The following OGDHL variants were observed in gnomAD, a reference collection of about 807,000 sequenced individuals.
OGDHL encodes 2-oxoglutarate dehydrogenase-like, mitochondrial.
Under a neutral mutation model 109.6 loss-of-function variants are expected in OGDHL, and 79 were observed. The observed-to-expected ratio is 0.72, with a 90% CI of 0.60 to 0.87. The LOEUF (loss-of-function observed/expected upper bound fraction) is 0.87. OGDHL is among the 40% of genes least tolerant of loss of function. The probability of loss-of-function intolerance (pLI) is 0.00; values close to 1 mark genes in which losing one functional copy is unlikely to be tolerated. For synonymous variants in OGDHL, 528 were observed against 537.2 expected (o/e 0.98, Z 0.24); for missense variants, 1,275 against 1,362.2 (o/e 0.94, Z 1.01).
Position 49,742,864 on chromosome 10 carries a change from C to G in OGDHL, c.1976G>C (p.Arg659Pro). 1 of 1,613,870 alleles carries G rather than the reference C, an allele frequency of 6.2e-7. No homozygotes were observed. The highest frequency in any genetic ancestry group is 1.1e-5 in the South Asian group (1 of 91,066). The change falls in exon 15 of 23, where the codon CGG becomes CCG. Residue 659 changes from arginine to proline, a missense_variant. Coordinates refer to ENST00000374103, the MANE Select transcript of OGDHL (RefSeq NM_018245.3). ...GSLLKEGIHV[R>P]LSGQDVERGT... The stretch of plus-strand genomic sequence containing the variant: ...CCTCTCCACATCCTGCCCGCTGAGC[C>G]GCACGTGGATGCCTTCCTTCAGCAG...
rs968083034 is a variant in OGDHL at position 49,747,314 on chromosome 10, T to C, written c.988-106A>G. The C allele has an allele frequency of 4.1e-5, 51 of 1,241,460 alleles. No individual in the cohort carries two copies. The Admixed American group carries it at 9.4e-4, about 23-fold the overall frequency. The allele number at this position is 1,241,460 out of a possible 1,614,324, so 76.9% of individuals were successfully genotyped here. On this transcript the variant is annotated intron_variant, in intron 8 of 22. Coordinates refer to ENST00000374103, the MANE Select transcript of OGDHL (RefSeq NM_018245.3). ...CAGTCAGGCTGGCACATTCCCCCGA[T>C]CCCACTGCCTCAGAGGGCCAAGCTG... is the stretch of plus-strand genomic sequence containing the variant.
At chr10:49,750,788 T>C (rs1408355169) in intron 7 of OGDHL, 51 bp downstream of exon 7, 1 of 1,543,048 alleles carries the variant, frequency 6.5e-7, no homozygotes, top group South Asian at 1.2e-5. Flanking sequence ...CCCACCTCTG[T>C]CCCCTGGGCT....
At chr10:49,739,044 G>A (rs1459125440) in intron 17 of OGDHL, 2 of 152,550 alleles carry the variant, frequency 1.3e-5, no homozygotes, top group African/African-American at 4.8e-5. Context: ...CTCATAACAT[G>A]CCACTCAGGG....
intron 17 of OGDHL, chr10:49,738,878 G>A (rs113844189): frequency 0.02 from 3,076 of 153,356 alleles, 105 homozygotes; most frequent in African/African-American, 0.066. Flanking sequence ...TCTTGGTGGG[G>A]ACGGCCAAGG....
chr10:49,761,055 A>G (rs1033463800), intron 1 of OGDHL, among the ~76,000 whole-genome samples: 2 of 151,026 alleles, frequency 1.3e-5, no homozygotes, highest in East Asian at 1.9e-4. Flanking sequence ...CCTGCCACCC[A>G]CCCCCACCTG....
intron 3 of OGDHL, among the ~76,000 whole-genome samples, chr10:49,755,329 G>A (rs1407038421): frequency 6.6e-6 from 1 of 152,218 alleles, no homozygotes; most frequent in African/African-American, 2.4e-5. Context: ...GTTTAGATGC[G>A]ATAATGGTAT....
At chr10:49,748,964 T>A (rs919136934) in intron 8 of OGDHL, among the ~76,000 whole-genome samples, 7 of 152,002 alleles carry the variant, frequency 4.6e-5, no homozygotes, top group African/African-American at 1.7e-4. Context: ...ATCCCAGCAC[T>A]TTGGGAGGCC....
Position 49,745,878 on chromosome 10 carries a change from C to A in OGDHL, c.1396G>T (p.Asp466Tyr). ...NAPIFHVNAD[D>Y]PEAVIYVCSV... is the part of the protein sequence containing the mutation. ...CACACATATATCACAGCCTCTGGGT[C>A]ATCGGCATTCACATGGAAGATAGGC... Residue 466 changes from aspartate (D) to tyrosine (Y), a missense_variant, in exon 11 of 23, where the codon GAC becomes TAC. Transcript: ENST00000374103. 1 of 1,614,234 alleles carries A rather than the reference C, an allele frequency of 6.2e-7. No individual in the cohort carries two copies. Among genetic ancestry groups the A allele is most frequent in the Non-Finnish European group, 8.5e-7 (1 of 1,180,044 alleles).
intron 21 of OGDHL, 88 bp downstream of exon 21, chr10:49,736,269 C>A (rs1196315594): frequency 6.3e-7 from 1 of 1,585,030 alleles, no homozygotes; most frequent in Non-Finnish European, 8.6e-7. Flanking sequence ...CACCGGCCTT[C>A]ATCTGGCCTG....
chr10:49,735,455 C>T, intron 22 of OGDHL, 104 bp from the exon 23 acceptor site: 1 of 1,394,650 alleles, frequency 7.2e-7, no homozygotes, highest in Non-Finnish European at 9.7e-7. Flanking sequence ...GAACCGCTGA[C>T]CTCGAAGCCA....
At chr10:49,754,927 G>A (rs900009410) in intron 3 of OGDHL, among the ~76,000 whole-genome samples, 2 of 152,232 alleles carry the variant, frequency 1.3e-5, no homozygotes, top group African/African-American at 4.8e-5. Context: ...GATTTAGCTG[G>A]ATCCTGCTTC....
At position 49,734,883 on chromosome 10, in the gene OGDHL, A is replaced by AGGGCT; in HGVS notation, c.*344_*345insAGCCC. On this transcript the variant is annotated 3_prime_UTR_variant, in exon 23 of 23. Transcript: ENST00000374103. The stretch of plus-strand genomic sequence containing the variant: ...GATAAGCGAGGGTGGGGCGAGCAGC[A>AGGGCT]GCCAGGGCTGCCGGGATGGGAGCGG... 1 of 186,152 alleles carries AGGGCT rather than the reference A, an allele frequency of 5.4e-6. No homozygotes were observed. Among genetic ancestry groups the AGGGCT allele is most frequent in the Non-Finnish European group, 1.1e-5 (1 of 90,628 alleles). 11.5% of individuals were successfully genotyped at this position (186,152 alleles called of 1,614,324 possible).
chr10:49,762,326 C>T (rs1843356745), upstream of OGDHL: 1 of 152,112 alleles, frequency 6.6e-6, no homozygotes, highest in Non-Finnish European at 1.5e-5. Context: ...CGCGCCGTGC[C>T]AATTACCTGG....
chr10:49,745,502 G>A lies in OGDHL; in HGVS notation c.1477-6C>T, dbSNP rs1409625912. The A allele has an allele frequency of 1.2e-5, 19 of 1,613,624 alleles. No homozygotes were observed. Among genetic ancestry groups the A allele is most frequent in the Non-Finnish European group, 1.5e-5 (18 of 1,180,026 alleles). On this transcript the variant is annotated splice_region_variant and splice_polypyrimidine_tract_variant and intron_variant, in intron 11 of 22. Transcript: ENST00000374103. ...CCACGCCGGCGGTAACAGACCTGCA[G>A]GAGCAGCCAGAGGGGCTCAGGCCCT...
rs146013158 is a variant in OGDHL, at chr10:49,749,719, C to A, written c.987+7G>T. ...CAAGGGTGCCGGGACCTGGGCATGG[C>A]ACCCACCTCGTCCGCCGCCTCCAGC... On this transcript the variant is annotated splice_region_variant and intron_variant, in intron 8 of 22. Transcript: ENST00000374103. 670 of 1,580,470 alleles carry A rather than the reference C, an allele frequency of 4.2e-4. 4 individuals carry two copies. In the East Asian group the frequency reaches 0.011, roughly 27 times the overall value.
At chr10:49,744,872 T>C in intron 12 of OGDHL, 120 bp from the exon 13 acceptor site, 1 of 789,672 alleles carries the variant, frequency 1.3e-6, no homozygotes, top group Non-Finnish European at 2.1e-6. Context: ...TCTCTGTCTC[T>C]GGCCTATAGG....
rs1204235231 is a variant in OGDHL at position 49,746,108 on chromosome 10, C to G, written c.1297-131G>C. ...TGCCCAGGAGGAATGTGGGACACAACAGGGTGATGGTGAGCAGCCCCACAA... is the reference window on the plus strand; with the variant it reads ...TGCCCAGGAGGAATGTGGGACACAAGAGGGTGATGGTGAGCAGCCCCACAA... On this transcript the variant is annotated intron_variant, in intron 10 of 22. Transcript: ENST00000374103. 4 of 1,018,472 alleles carry G rather than the reference C, an allele frequency of 3.9e-6. No homozygotes were observed. In the African/African-American group the frequency reaches 6.4e-5, roughly 16 times the overall value. The allele number at this position is 1,018,472 out of a possible 1,614,324, so 63.1% of individuals were successfully genotyped here. A position where few individuals can be genotyped will look rare whatever the true frequency, so the allele number is the denominator to read the frequency against.
chr10:49,742,003 TACC>T (rs756688483), intron 15 of OGDHL, among the ~76,000 whole-genome samples: 31,020 of 127,326 alleles, frequency 0.24, 3,337 homozygotes, highest in African/African-American at 0.31. Flanking sequence ...ACCCCACAAA[TACC>T]ACACCACACA....
intron 15 of OGDHL, among the ~76,000 whole-genome samples, chr10:49,742,431 A>ACACAC (rs1303650222): frequency 1.4e-4 from 20 of 141,764 alleles, no homozygotes; most frequent in Non-Finnish European, 2.0e-4. Context: ...TACACACCAC[A>ACACAC]CATACAACAA....
Sources: allele counts gnomAD v4.1 joint callset (sites outside exome capture counted in the v4.1 genomes callset), GRCh38; gene constraint gnomAD v4.1.1; transcripts MANE v1.5; gene names NCBI Gene and HGNC (gene_info 2026-07-23, HGNC 2026-07-21).